TSPAN9: variants seen among roughly 807,000 people sequenced by gnomAD.
The protein encoded by TSPAN9 is tetraspanin-9.
Under a neutral mutation model 31.0 loss-of-function variants are expected in TSPAN9, and 16 were observed. That is an observed-to-expected ratio of 0.52 (90% CI 0.35 to 0.78). TSPAN9 has a LOEUF of 0.78. Among genes scored for constraint, TSPAN9 ranks in the 30% least tolerant of loss-of-function variants. The probability of loss-of-function intolerance (pLI) is 0.01; values close to 1 mark genes in which losing one functional copy is unlikely to be tolerated. For synonymous variants in TSPAN9, 145 were observed against 121.6 expected, an observed-to-expected ratio of 1.19 and a Z score of -1.27; for missense variants, 272 against 312.5, an observed-to-expected ratio of 0.87 and a Z score of 0.98.
chr12:3,184,785 C>T (rs903336473), intron 2 of TSPAN9, among the ~76,000 whole-genome samples: 4 of 152,010 alleles, frequency 2.6e-5, no homozygotes, highest in Non-Finnish European at 4.4e-5. Flanking sequence ...CTGTTCTGTG[C>T]GTTCCTTCTC....
At chr12:3,182,940 G>T (rs1415337468) in intron 2 of TSPAN9, among the ~76,000 whole-genome samples, 1 of 152,252 alleles carries the variant, frequency 6.6e-6, no homozygotes, top group Non-Finnish European at 1.5e-5. Context: ...GGGCCGCATG[G>T]TCGGAGACAG....
intron 2 of TSPAN9, among the ~76,000 whole-genome samples, chr12:3,191,623 G>C (rs1157852101): frequency 6.6e-6 from 1 of 152,124 alleles, no homozygotes; most frequent in African/African-American, 2.4e-5. Context: ...AGCCCTCCCT[G>C]CTGGCCCTGC....
intron 2 of TSPAN9, among the ~76,000 whole-genome samples, chr12:3,156,561 G>A (rs1565595917): frequency 6.6e-6 from 1 of 151,928 alleles, no homozygotes; most frequent in African/African-American, 2.4e-5. Context: ...GAGTGCAGTG[G>A]CATGATCTCG....
In TSPAN9 at chr12:3,192,592, G is replaced by A. The variant is rs1175758180; in HGVS notation, c.-17-8585G>A. On this transcript the variant is annotated intron_variant, in intron 2 of 8. Coordinates refer to ENST00000011898, the MANE Select transcript of TSPAN9 (RefSeq NM_006675.5). The surrounding 1 kb of genome is among the most constrained non-coding windows in gnomAD (Gnocchi z 4.6). Reference sequence around the variant, plus strand: ...AGGGAGCACATCCGGGGCAAGGTCAGTCCCTCCTGGAGCTGTCTGGGAGAC... The same window carrying A: ...AGGGAGCACATCCGGGGCAAGGTCAATCCCTCCTGGAGCTGTCTGGGAGAC... 6.6e-6 allele frequency among the ~76,000 whole-genome samples: 1 copy of A among 152,158 alleles called. No individual in the cohort carries two copies. Among genetic ancestry groups the A allele is most frequent in the African/African-American group, 2.4e-5 (1 of 41,436 alleles).
chr12:3,270,921 A>G (rs950601651), intron 3 of TSPAN9, among the ~76,000 whole-genome samples: 3 of 152,232 alleles, frequency 2.0e-5, no homozygotes, highest in Non-Finnish European at 4.4e-5. Flanking sequence ...ACAGTCTTGA[A>G]ACATAATTCA....
At chr12:3,237,305 G>A (rs79140988) in intron 3 of TSPAN9, among the ~76,000 whole-genome samples, 2,738 of 152,316 alleles carry the variant, frequency 0.018, 36 homozygotes, top group Non-Finnish European at 0.024. Context: ...TGATGGGCTT[G>A]CCTCCTGATG....
chr12:3,121,544 T>G (rs1318057903), intron 2 of TSPAN9, among the ~76,000 whole-genome samples: 4 of 140,502 alleles, frequency 2.8e-5, no homozygotes, highest in Admixed American at 7.2e-5. Context: ...TTTTTTTTTT[T>G]TTTTTTTTTT....
chr12:3,079,771 A>ATTTT (rs34675914), intron 1 of TSPAN9, among the ~76,000 whole-genome samples: 8 of 129,692 alleles, frequency 6.2e-5, no homozygotes, highest in African/African-American at 1.7e-4. Flanking sequence ...CCCTTCTTCT[A>ATTTT]TTTTTTTTTT....
At chr12:3,213,554 T>C (rs2098379864) in intron 3 of TSPAN9, among the ~76,000 whole-genome samples, 1 of 152,126 alleles carries the variant, frequency 6.6e-6, no homozygotes, top group Non-Finnish European at 1.5e-5. Context: ...GGAATGCTGA[T>C]GTGGTACTGA....
chr12:3,079,663 T>C (rs1394710918), intron 1 of TSPAN9, among the ~76,000 whole-genome samples: 1 of 152,130 alleles, frequency 6.6e-6, no homozygotes, highest in African/African-American at 2.4e-5. Context: ...AGTTTCGCCA[T>C]GTTGGCCAGA....
chr12:3,096,433 C>CTTTTTTTTTTTTTTTTTTT (rs1302577208), intron 2 of TSPAN9, among the ~76,000 whole-genome samples: 1 of 152,238 alleles, frequency 6.6e-6, no homozygotes, highest in Non-Finnish European at 1.5e-5. Context: ...TGCATTGTCT[C>CTTTTTTTTTTTTTTTTTTT]TTTATTCCTT....
At chr12:3,261,464 C>A (rs531478812) in intron 3 of TSPAN9, among the ~76,000 whole-genome samples, 2 of 152,132 alleles carry the variant, frequency 1.3e-5, no homozygotes, top group Admixed American at 6.5e-5. Context: ...CTCGAGCCTA[C>A]GCTCTCAACC....
intron 2 of TSPAN9, among the ~76,000 whole-genome samples, chr12:3,153,518 A>G (rs906860441): frequency 1.3e-5 from 2 of 151,956 alleles, no homozygotes; most frequent in Admixed American, 6.6e-5. Flanking sequence ...ACATTTTACT[A>G]TAAGCTACAT....
chr12:3,256,388 C>T (rs540773971), intron 3 of TSPAN9, among the ~76,000 whole-genome samples: 5 of 152,344 alleles, frequency 3.3e-5, no homozygotes, highest in Non-Finnish European at 7.3e-5. Flanking sequence ...GTCCGGCAGT[C>T]GCAGCCAGCA....
intron 2 of TSPAN9, among the ~76,000 whole-genome samples, chr12:3,122,240 A>G (rs920896290): frequency 2.6e-5 from 4 of 151,890 alleles, no homozygotes; most frequent in African/African-American, 9.6e-5. Flanking sequence ...AGGCTGAGGC[A>G]GGAGAATGGC....
intron 2 of TSPAN9, among the ~76,000 whole-genome samples, chr12:3,181,342 C>T (rs540187995): frequency 5.9e-5 from 9 of 152,166 alleles, no homozygotes; most frequent in Non-Finnish European, 1.3e-4. Flanking sequence ...ATAATTCAGA[C>T]AAGGAAACTG....
chr12:3,177,868 TACTC>T (rs2098356660), intron 2 of TSPAN9, among the ~76,000 whole-genome samples: 1 of 152,228 alleles, frequency 6.6e-6, no homozygotes, highest in South Asian at 2.1e-4. Context: ...AGAGCCCTCT[TACTC>T]AAGAAGGACA....
At chr12:3,137,824 C>A (rs114302611) in intron 2 of TSPAN9, among the ~76,000 whole-genome samples, 2,871 of 152,242 alleles carry the variant, frequency 0.019, 96 homozygotes, top group African/African-American at 0.065. Flanking sequence ...AATAATTCCA[C>A]CTCTTGTCAC....
chr12:3,224,482 G>A (rs2098386138), intron 3 of TSPAN9, among the ~76,000 whole-genome samples: 1 of 152,258 alleles, frequency 6.6e-6, no homozygotes, highest in African/African-American at 2.4e-5. Flanking sequence ...GAGCTTGGCT[G>A]GGAAATGCCA....
Sources: allele counts gnomAD v4.1 joint callset (sites outside exome capture counted in the v4.1 genomes callset), GRCh38; gene constraint gnomAD v4.1.1; non-coding constraint Gnocchi (gnomAD v3.1); transcripts MANE v1.5; gene names NCBI Gene and HGNC (gene_info 2026-07-23, HGNC 2026-07-21).